Variants in SBF2 observed in about 807,000 individuals in gnomAD.
SBF2 encodes the protein myotubularin-related protein 13.
SBF2 carries 112 observed loss-of-function variants against 225.2 expected under a neutral mutation model. The ratio of observed to expected loss-of-function variants is 0.50; its 90% confidence interval spans 0.43 to 0.58. The LOEUF is 0.58. Ranked by LOEUF, SBF2 falls within the 20% of genes least tolerant of loss-of-function variation. The pLI is 0.00. For missense variants in SBF2, 1,996 were observed against 2,206.2 expected (o/e 0.90, Z 1.91); for synonymous variants, 763 against 773.3 (o/e 0.99, Z 0.22).
At chr11:10,143,722 T>C (rs1223782636) in intron 2 of SBF2, among the ~76,000 whole-genome samples, 1 of 149,568 alleles carries the variant, frequency 6.7e-6, no homozygotes, top group Non-Finnish European at 1.5e-5. Flanking sequence ...GTTTTTGCTT[T>C]TGTTTTTTTT....
chr11:10,090,783 A>AAAAAAAAAAAAAAAAC (rs1951751794), intron 2 of SBF2, among the ~76,000 whole-genome samples: 1 of 150,462 alleles, frequency 6.6e-6, no homozygotes. Flanking sequence ...AAAAAAAAAA[A>AAAAAAAAAAAAAAAAC]AAGCTATTAG....
upstream of SBF2, among the ~76,000 whole-genome samples, chr11:10,298,529 G>C (rs185195209): frequency 1.2e-4 from 18 of 152,346 alleles, no homozygotes; most frequent in Non-Finnish European, 2.9e-5. Context: ...AGTGCTTGCT[G>C]TGGTTAGCCA....
At chr11:10,078,074 A>C (rs1214555533) in intron 2 of SBF2, among the ~76,000 whole-genome samples, 2 of 152,248 alleles carry the variant, frequency 1.3e-5, no homozygotes, top group African/African-American at 4.8e-5. Context: ...AATGCAAATC[A>C]AAACCACAAT....
intron 14 of SBF2, among the ~76,000 whole-genome samples, chr11:9,965,684 T>G (rs2134375870): frequency 6.6e-6 from 1 of 152,310 alleles, no homozygotes; most frequent in East Asian, 1.9e-4. Context: ...CCCCCTATGG[T>G]GACATCTTTC....
At position 10,156,812 on chromosome 11, in the gene SBF2, C is replaced by CAAG. The variant is rs1565295213; in HGVS notation, c.141+37089_141+37090insCTT. On this transcript the variant is annotated intron_variant, in intron 2 of 39. Transcript: ENST00000256190. Reference sequence around the variant, plus strand: ...AAACATTCCATGCTTATCAGAGGAACAATCAATATTGTTAAAATGGCCATA... The same window carrying CAAG: ...AAACATTCCATGCTTATCAGAGGAACAAGAATCAATATTGTTAAAATGGCCATA... Among the ~76,000 whole-genome samples the CAAG allele has an allele frequency of 2.6e-5, 4 of 152,114 alleles. No individual in the cohort carries two copies. The East Asian group carries it at 7.7e-4, about 29-fold the overall frequency.
intron 33 of SBF2, 100 bp downstream of exon 33, chr11:9,795,731 C>T: frequency 7.0e-7 from 1 of 1,434,798 alleles, no homozygotes; most frequent in Non-Finnish European, 9.7e-7. Context: ...TAAACCTTAA[C>T]TCAGCTTGTC....
chr11:10,163,550 T>C (rs1440963205), intron 2 of SBF2, among the ~76,000 whole-genome samples: 4 of 152,168 alleles, frequency 2.6e-5, no homozygotes, highest in Non-Finnish European at 5.9e-5. Flanking sequence ...TTTTAAGCAC[T>C]TGATGTGTAT....
chr11:9,985,240 TAAG>T (rs896472561), intron 13 of SBF2, among the ~76,000 whole-genome samples: 36 of 152,170 alleles, frequency 2.4e-4, no homozygotes, highest in African/African-American at 8.7e-4. Flanking sequence ...CACATAAACT[TAAG>T]GTAAAGGGGT....
chr11:9,974,231 G>C lies in SBF2; in HGVS notation c.1396-5686C>G, dbSNP rs552108320. On this transcript the variant is annotated intron_variant, in intron 13 of 39. Transcript: ENST00000256190. ...AGATGACTTTAATATTTGATATGCT[G>C]GTTGCCCTAATTCAGGGTTTCTCAA... Among the ~76,000 whole-genome samples, 51 of 152,180 alleles carry C rather than the reference G, an allele frequency of 3.4e-4. 1 individual carries two copies. Among genetic ancestry groups the C allele is most frequent in the Non-Finnish European group, 4.1e-4 (28 of 67,990 alleles).
intron 2 of SBF2, among the ~76,000 whole-genome samples, chr11:10,113,435 A>G (rs1047257423): frequency 3.9e-4 from 59 of 152,224 alleles, no homozygotes; most frequent in Non-Finnish European, 7.8e-4. Flanking sequence ...ATATTTTTCT[A>G]TAGCAATTAT....
intron 18 of SBF2, 65 bp from the exon 19 acceptor site, chr11:9,856,785 A>T (rs879156778): frequency 3.8e-6 from 4 of 1,042,516 alleles, no homozygotes; most frequent in African/African-American, 2.0e-5. Flanking sequence ...AAAAACATAG[A>T]TTTTTTTTTT....
chr11:9,900,487 G>C (rs545671210), intron 16 of SBF2, among the ~76,000 whole-genome samples: 2 of 152,050 alleles, frequency 1.3e-5, no homozygotes, highest in Non-Finnish European at 2.9e-5. Context: ...TTAGCCAATC[G>C]GAATTAGTTT....
chr11:9,920,465 C>T (rs758466518), intron 16 of SBF2, among the ~76,000 whole-genome samples: 1 of 152,022 alleles, frequency 6.6e-6, no homozygotes, highest in Non-Finnish European at 1.5e-5. Context: ...CTATTAATTA[C>T]CACACATATG....
rs2133630493 is a variant in SBF2 at position 10,294,008 on chromosome 11, C to T, written c.55+7G>A. 7.2e-7 allele frequency: 1 copy of T among 1,398,318 alleles called. No individual in the cohort carries two copies. Among genetic ancestry groups the T allele is most frequent in the Non-Finnish European group, 9.3e-7 (1 of 1,070,102 alleles). The allele number at this position is 1,398,318 out of a possible 1,614,324, so 86.6% of individuals were successfully genotyped here. A position where few individuals can be genotyped will look rare whatever the true frequency, so the allele number is the denominator to read the frequency against. On this transcript the variant is annotated splice_region_variant and intron_variant, in intron 1 of 39. Transcript: ENST00000256190. ...GGCCCGGGGGCGGTGCCGCCCCACACCCTTACCTGGCTTCTCGTGGTCATA... is the reference window on the plus strand; with the variant it reads ...GGCCCGGGGGCGGTGCCGCCCCACATCCTTACCTGGCTTCTCGTGGTCATA...
intron 36 of SBF2, among the ~76,000 whole-genome samples, chr11:9,786,235 G>GT (rs1452277520): frequency 1.3e-5 from 2 of 152,200 alleles, no homozygotes; most frequent in Non-Finnish European, 2.9e-5. Context: ...GTTTAAAATA[G>GT]TATGTCTAGA....
intron 24 of SBF2, among the ~76,000 whole-genome samples, chr11:9,844,652 C>G (rs1389539001): frequency 6.6e-6 from 1 of 152,110 alleles, no homozygotes; most frequent in East Asian, 1.9e-4. Flanking sequence ...AAAAAAGGAT[C>G]ATTAACACAA....
chr11:9,810,261 G>A (rs939413649), intron 30 of SBF2: 2 of 152,152 alleles, frequency 1.3e-5, no homozygotes, highest in Non-Finnish European at 2.9e-5. Flanking sequence ...GGGTGACAGA[G>A]CAAGACCCTG....
Position 9,967,687 on chromosome 11 carries a change from G to A in SBF2, c.1600+654C>T, listed in dbSNP as rs537556595. 3.8e-3 allele frequency among the ~76,000 whole-genome samples: 577 copies of A among 152,234 alleles called. 4 individuals are homozygous for A. The highest frequency in any genetic ancestry group is 5.4e-3 in the South Asian group (26 of 4,820). ...TCCCAACACTTTGGGAGGCCAAGGT[G>A]GGCGGATCACCTGAGGTCGGGAGTT... On this transcript the variant is annotated intron_variant, in intron 14 of 39. Coordinates refer to ENST00000256190, the MANE Select transcript of SBF2 (RefSeq NM_030962.4).
intron 2 of SBF2, among the ~76,000 whole-genome samples, chr11:10,096,525 C>T (rs1045839613): frequency 1.3e-5 from 2 of 151,326 alleles, no homozygotes; most frequent in Non-Finnish European, 2.9e-5. Flanking sequence ...CCTTGCTGTC[C>T]ATTACACAAG....
Sources: allele counts gnomAD v4.1 joint callset (sites outside exome capture counted in the v4.1 genomes callset), GRCh38; gene constraint gnomAD v4.1.1; transcripts MANE v1.5; gene names NCBI Gene and HGNC (gene_info 2026-07-23, HGNC 2026-07-21).